RASSF8: variants seen among roughly 807,000 people sequenced by gnomAD.
RASSF8 encodes the protein ras association domain-containing protein 8.
RASSF8 carries 22 observed loss-of-function variants against 48.5 expected under a neutral mutation model. The ratio of observed to expected loss-of-function variants is 0.45; its 90% CI spans 0.32 to 0.65. The LOEUF (loss-of-function observed/expected upper bound fraction) is 0.65, where lower values mean the gene tolerates loss of function less well. Among genes scored for constraint, RASSF8 ranks in the 30% least tolerant of loss-of-function variants. The probability of loss-of-function intolerance (pLI) is 0.03; values close to 1 mark genes in which losing one functional copy is unlikely to be tolerated. For missense variants in RASSF8, 418 were observed against 489.2 expected, an observed-to-expected ratio of 0.85 and a Z score of 1.37; for synonymous variants, 127 against 171.5, an observed-to-expected ratio of 0.74 and a Z score of 2.03.
chr12:25,984,397 T>C (rs898599661), intron 1 of RASSF8, among the ~76,000 whole-genome samples: 4 of 151,866 alleles, frequency 2.6e-5, no homozygotes, highest in African/African-American at 9.7e-5. Context: ...GGCTGCAGTA[T>C]AGTGGCACGA....
chr12:26,028,228 G>C (rs1335423469), intron 2 of RASSF8, among the ~76,000 whole-genome samples: 1 of 152,160 alleles, frequency 6.6e-6, no homozygotes, highest in Non-Finnish European at 1.5e-5. Context: ...AAGTATAGGT[G>C]ATTTTATTTT....
intron 2 of RASSF8, among the ~76,000 whole-genome samples, chr12:26,034,552 CA>C (rs1439427300): frequency 6.6e-6 from 1 of 152,076 alleles, no homozygotes; most frequent in African/African-American, 2.4e-5. Context: ...CTACCACTTC[CA>C]AAATTAAACT....
intron 2 of RASSF8, among the ~76,000 whole-genome samples, chr12:26,055,031 T>C (rs1444252648): frequency 6.6e-6 from 1 of 152,206 alleles, no homozygotes; most frequent in Non-Finnish European, 1.5e-5. Context: ...TGATTAAAAT[T>C]ATGATAAAAA....
chr12:25,966,593 C>T (rs577673527), intron 1 of RASSF8, among the ~76,000 whole-genome samples: 5 of 152,248 alleles, frequency 3.3e-5, no homozygotes, highest in African/African-American at 1.2e-4. Context: ...TTTGTATCTT[C>T]TTTGGTGAAG....
chr12:25,979,292 G>A (rs957278584), intron 1 of RASSF8, among the ~76,000 whole-genome samples: 4 of 152,106 alleles, frequency 2.6e-5, no homozygotes, highest in Non-Finnish European at 5.9e-5. Flanking sequence ...GAAGCTGAGA[G>A]AGAGAAAATG....
chr12:26,016,649 A>G lies in RASSF8; in HGVS notation c.-109+21519A>G, dbSNP rs182781188. 3.1e-3 allele frequency among the ~76,000 whole-genome samples: 468 copies of G among 152,350 alleles called. 6 individuals carry two copies. The highest frequency in any genetic ancestry group is 0.011 in the African/African-American group (448 of 41,586). The stretch of plus-strand genomic sequence containing the variant: ...TAAAATATAAAATTTCTAAAAATCA[A>G]CAGACTTCCTTCAGAGTTTAAGTTG... On this transcript the variant is annotated intron_variant, in intron 2 of 5. Transcript: ENST00000689635.
chr12:26,040,662 C>T (rs778114539), intron 2 of RASSF8, among the ~76,000 whole-genome samples: 1 of 152,152 alleles, frequency 6.6e-6, no homozygotes, highest in Admixed American at 6.5e-5. Flanking sequence ...CCCCACTTTA[C>T]CTGGCCTCCT....
intron 2 of RASSF8, among the ~76,000 whole-genome samples, chr12:26,023,217 G>A (rs926569427): frequency 6.6e-6 from 1 of 152,148 alleles, no homozygotes; most frequent in Admixed American, 6.6e-5. Context: ...TACAAGGAGA[G>A]AGGGAAGAAA....
chr12:26,031,493 A>C (rs1592287087), intron 2 of RASSF8, among the ~76,000 whole-genome samples: 1 of 152,198 alleles, frequency 6.6e-6, no homozygotes, highest in East Asian at 1.9e-4. Context: ...TAGAGTTACT[A>C]ACAGGATTTG....
rs115258009 is a variant in RASSF8 at position 25,966,541 on chromosome 12, C to T, written c.-203+7393C>T. ...GTTTTAATTTGCATTTCCCTAACAA[C>T]TAGTGATGTAAAGAATCTTTTCATG... On this transcript the variant is annotated intron_variant, in intron 1 of 5. Transcript: ENST00000689635. Among the ~76,000 whole-genome samples the T allele has an allele frequency of 9.5e-3, 1,425 of 150,590 alleles. 16 individuals carry two copies. The highest frequency in any genetic ancestry group is 0.029 in the African/African-American group (1,149 of 39,916).
intron 2 of RASSF8, among the ~76,000 whole-genome samples, chr12:26,011,388 C>T (rs1242244360): frequency 6.6e-6 from 1 of 152,206 alleles, no homozygotes; most frequent in East Asian, 1.9e-4. Context: ...GAAGAACTTT[C>T]CTCTTCCTGA....
At chr12:25,963,497 G>T (rs1941286456) in intron 1 of RASSF8, among the ~76,000 whole-genome samples, 1 of 152,214 alleles carries the variant, frequency 6.6e-6, no homozygotes, top group African/African-American at 2.4e-5. Context: ...ACATAATTCT[G>T]CATTTTTCTC....
chr12:26,007,889 A>G (rs1942429503), intron 2 of RASSF8, among the ~76,000 whole-genome samples: 1 of 152,232 alleles, frequency 6.6e-6, no homozygotes, highest in Non-Finnish European at 1.5e-5. Flanking sequence ...TGTAAGTAGA[A>G]AAATTACATT....
chr12:26,073,581 A>G (rs1026060731), downstream of RASSF8, among the ~76,000 whole-genome samples: 2 of 152,076 alleles, frequency 1.3e-5, no homozygotes, highest in Non-Finnish European at 2.9e-5. Context: ...TACGAAAAGT[A>G]AAAACAAAAT....
intron 1 of RASSF8, among the ~76,000 whole-genome samples, chr12:25,988,035 G>A (rs990624600): frequency 1.0e-5 from 1 of 98,032 alleles, no homozygotes; most frequent in Admixed American, 1.1e-4. Flanking sequence ...TTTTTTTTTT[G>A]TACTTTTAGT....
chr12:26,052,879 C>T (rs1207477326), intron 2 of RASSF8: 1 of 151,990 alleles, frequency 6.6e-6, no homozygotes, highest in Non-Finnish European at 1.5e-5. Flanking sequence ...ACTAAAAGTT[C>T]AAAGTGAAAC....
intron 1 of RASSF8, among the ~76,000 whole-genome samples, chr12:25,990,038 C>G (rs1430252490): frequency 6.6e-6 from 1 of 151,998 alleles, no homozygotes; most frequent in East Asian, 1.9e-4. Context: ...AGTGTCTGAA[C>G]TGGGCAGAGT....
intron 2 of RASSF8, among the ~76,000 whole-genome samples, chr12:26,036,044 C>T (rs1943144297): frequency 6.6e-6 from 1 of 150,898 alleles, no homozygotes; most frequent in Non-Finnish European, 1.5e-5. Flanking sequence ...AGGGCAGATA[C>T]CATGACAGCT....
chr12:26,024,670 A>T (rs375533370), intron 2 of RASSF8, among the ~76,000 whole-genome samples: 1 of 152,226 alleles, frequency 6.6e-6, no homozygotes, highest in South Asian at 2.1e-4. Flanking sequence ...TAAAAGGTCA[A>T]TTTAGGCCGG....
Sources: gnomAD v4.1 joint callset for allele counts (sites outside exome capture counted in the v4.1 genomes callset) on GRCh38, gnomAD v4.1.1 for gene constraint, MANE v1.5 for transcripts, NCBI Gene and HGNC (gene_info 2026-07-23, HGNC 2026-07-21) for gene names.